Variants in SEMA6D observed in about 807,000 individuals in gnomAD.
SEMA6D encodes semaphorin-6D.
A neutral mutation model predicts 106.6 loss-of-function variants in SEMA6D; 35 were observed. That is an observed-to-expected ratio of 0.33 (90% confidence interval 0.25 to 0.44). The LOEUF (loss-of-function observed/expected upper bound fraction) is 0.44, where lower values mean the gene tolerates loss of function less well. Among genes scored for constraint, SEMA6D ranks in the 20% least tolerant of loss-of-function variants. SEMA6D has a pLI of 1.00. For missense variants in SEMA6D, 1,185 were observed against 1,345.9 expected (o/e 0.88, Z 1.87); for synonymous variants, 499 against 487.7 (o/e 1.02, Z -0.31).
At chr15:47,499,357 A>G (rs1290016271) in intron 3 of SEMA6D, among the ~76,000 whole-genome samples, 1 of 152,122 alleles carries the variant, frequency 6.6e-6, no homozygotes, top group African/African-American at 2.4e-5. Flanking sequence ...CATTCTCTGC[A>G]TAACTTCCAT....
chr15:47,747,010 T>C (rs2081182974), intron 1 of SEMA6D, among the ~76,000 whole-genome samples: 1 of 93,584 alleles, frequency 1.1e-5, no homozygotes, highest in South Asian at 4.0e-4. Flanking sequence ...ATATTTCGAT[T>C]GTAGAAGGTT....
intron 1 of SEMA6D, among the ~76,000 whole-genome samples, chr15:47,271,231 G>A (rs2142267555): frequency 6.6e-6 from 1 of 152,304 alleles, no homozygotes; most frequent in African/African-American, 2.4e-5. Context: ...TGTTACAATA[G>A]GGAAAACATT....
intron 3 of SEMA6D, among the ~76,000 whole-genome samples, chr15:47,551,157 A>T (rs1444747882): frequency 6.6e-6 from 1 of 152,120 alleles, no homozygotes; most frequent in Admixed American, 6.6e-5. Flanking sequence ...CTCCTGAGTG[A>T]CCTATATGAG....
intron 3 of SEMA6D, among the ~76,000 whole-genome samples, chr15:47,482,139 T>C (rs992951070): frequency 1.3e-5 from 2 of 152,120 alleles, no homozygotes; most frequent in African/African-American, 2.4e-5. Flanking sequence ...GTAATTGATC[T>C]CTCTAGAATT....
intron 1 of SEMA6D, among the ~76,000 whole-genome samples, chr15:47,237,536 A>G (rs375392438): frequency 6.6e-5 from 10 of 152,086 alleles, no homozygotes; most frequent in African/African-American, 2.2e-4. Context: ...GTTATTTTCA[A>G]CGCTGCCTCT....
chr15:47,761,522 T>C (rs1247907626), intron 6 of SEMA6D, 91 bp downstream of exon 6: 1 of 1,282,374 alleles, frequency 7.8e-7, no homozygotes, highest in Admixed American at 2.2e-5. Flanking sequence ...TGCTTTCCAG[T>C]AATTTGTTTT....
At chr15:47,292,945 C>T (rs2142865172) in intron 1 of SEMA6D, among the ~76,000 whole-genome samples, 1 of 152,274 alleles carries the variant, frequency 6.6e-6, no homozygotes, top group South Asian at 2.1e-4. Context: ...GTTCGCCTGG[C>T]TGTGCAGTCT....
At chr15:47,319,669 C>G (rs561218980) in intron 1 of SEMA6D, among the ~76,000 whole-genome samples, 1 of 152,076 alleles carries the variant, frequency 6.6e-6, no homozygotes, top group Non-Finnish European at 1.5e-5. Flanking sequence ...CGGGTTAATT[C>G]GTTTCTCCTG....
intron 1 of SEMA6D, among the ~76,000 whole-genome samples, chr15:47,233,699 T>C (rs1422615868): frequency 1.3e-5 from 2 of 152,194 alleles, no homozygotes; most frequent in East Asian, 3.9e-4. Flanking sequence ...ATCGTTTTCT[T>C]AATTTTCTTT....
In SEMA6D at chr15:47,772,870, A is replaced by G. The variant is rs954195539; in HGVS notation, c.*1085A>G. On this transcript the variant is annotated 3_prime_UTR_variant, in exon 19 of 19. Coordinates refer to ENST00000536845, the MANE Select transcript of SEMA6D (RefSeq NM_001358351.3). ...TACCCCCCAAGGTAAGAAACAAAAA[A>G]CAAACAAACAAACAAAAATAGAAGA... 2 of 145,644 alleles carry G rather than the reference A, an allele frequency of 1.4e-5. No individual in the cohort carries two copies. Among genetic ancestry groups the G allele is most frequent in the African/African-American group, 5.0e-5 (2 of 39,688 alleles). The allele number at this position is 145,644 out of a possible 1,614,324, so 9.0% of individuals were successfully genotyped here.
chr15:47,574,641 T>C (rs370398325), intron 3 of SEMA6D, among the ~76,000 whole-genome samples: 34 of 152,262 alleles, frequency 2.2e-4, no homozygotes, highest in African/African-American at 7.7e-4. Context: ...ACCAAAACAT[T>C]CCTATGCAGA....
intron 1 of SEMA6D, among the ~76,000 whole-genome samples, chr15:47,723,571 A>G (rs1261559052): frequency 6.6e-6 from 1 of 152,202 alleles, no homozygotes; most frequent in Non-Finnish European, 1.5e-5. Flanking sequence ...TACTGAAGTT[A>G]AAGTCTCTAT....
chr15:47,220,880 G>A (rs1456601943), intron 1 of SEMA6D, among the ~76,000 whole-genome samples: 2 of 152,132 alleles, frequency 1.3e-5, no homozygotes, highest in African/African-American at 4.8e-5. Flanking sequence ...TTGAAAAATT[G>A]ATTTTGAGAT....
chr15:47,531,826 A>G (rs1160935600), intron 3 of SEMA6D, among the ~76,000 whole-genome samples: 1 of 152,200 alleles, frequency 6.6e-6, no homozygotes, highest in African/African-American at 2.4e-5. Flanking sequence ...TGAACTACCA[A>G]TTAGAGGTCA....
At chr15:47,560,842 T>C (rs2046058379) in intron 3 of SEMA6D, among the ~76,000 whole-genome samples, 2 of 152,028 alleles carry the variant, frequency 1.3e-5, no homozygotes, top group African/African-American at 4.8e-5. Context: ...AGAAAGATTA[T>C]GTGATGATGC....
intron 1 of SEMA6D, among the ~76,000 whole-genome samples, chr15:47,409,508 TC>T (rs1482016912): frequency 3.9e-5 from 6 of 152,170 alleles, no homozygotes; most frequent in Non-Finnish European, 1.5e-5. Flanking sequence ...CTTCAGTTCC[TC>T]CCCCATAAAT....
At chr15:47,407,406 C>CAAAAAAAAA (rs1231097214) in intron 1 of SEMA6D, among the ~76,000 whole-genome samples, 6 of 105,818 alleles carry the variant, frequency 5.7e-5, no homozygotes, top group Non-Finnish European at 1.2e-4. Flanking sequence ...ACAACAACAA[C>CAAAAAAAAA]AACAAAAAAA....
chr15:47,460,974 G>A (rs2042489670), intron 2 of SEMA6D, among the ~76,000 whole-genome samples: 1 of 152,050 alleles, frequency 6.6e-6, no homozygotes, highest in South Asian at 2.1e-4. Flanking sequence ...CAGATGGTGT[G>A]ACTCCTGCCT....
At chr15:47,501,521 A>C (rs2043847317) in intron 3 of SEMA6D, among the ~76,000 whole-genome samples, 1 of 152,158 alleles carries the variant, frequency 6.6e-6, no homozygotes. Flanking sequence ...TTTACAAGGT[A>C]AGATTTAAAT....
Sources: allele counts gnomAD v4.1 joint callset (sites outside exome capture counted in the v4.1 genomes callset), GRCh38; gene constraint gnomAD v4.1.1; transcripts MANE v1.5; gene names NCBI Gene and HGNC (gene_info 2026-07-23, HGNC 2026-07-21).